METTL25: variants seen among roughly 807,000 people sequenced by gnomAD.
The protein encoded by METTL25 is methyltransferase like 25.
Under a neutral mutation model 71.6 loss-of-function variants are expected in METTL25, and 64 were observed. The ratio of observed to expected loss-of-function variants is 0.89; its 90% CI spans 0.73 to 1.10. The LOEUF (loss-of-function observed/expected upper bound fraction) is 1.10, where lower values mean the gene tolerates loss of function less well. Ranked by LOEUF, METTL25 falls within the 50% of genes least tolerant of loss-of-function variation. The pLI is 0.00. For synonymous variants in METTL25, 287 were observed against 250.3 expected, an observed-to-expected ratio of 1.15 and a Z score of -1.38; for missense variants, 807 against 707.0, an observed-to-expected ratio of 1.14 and a Z score of -1.60.
intron 5 of METTL25, among the ~76,000 whole-genome samples, chr12:82,418,254 A>G (rs1054765990): frequency 3.9e-5 from 6 of 152,168 alleles, no homozygotes; most frequent in Non-Finnish European, 8.8e-5. Flanking sequence ...CAGAAAGGGC[A>G]GACTGAGATG....
intron 5 of METTL25, among the ~76,000 whole-genome samples, chr12:82,428,731 G>C (rs1446433385): frequency 6.6e-6 from 1 of 151,218 alleles, no homozygotes. Context: ...CCTTGTGCTT[G>C]ATTTGTAAGT....
intron 5 of METTL25, among the ~76,000 whole-genome samples, chr12:82,422,424 C>A (rs1335182441): frequency 2.0e-5 from 3 of 152,100 alleles, no homozygotes; most frequent in African/African-American, 7.2e-5. Context: ...GTATGACAAA[C>A]CCACAGCCAA....
At chr12:82,390,918 A>G (rs1166931982) in intron 3 of METTL25, among the ~76,000 whole-genome samples, 5 of 152,186 alleles carry the variant, frequency 3.3e-5, no homozygotes, top group East Asian at 3.9e-4. Flanking sequence ...GTGGCAGCCA[A>G]CCTCTATTAA....
At chr12:82,375,033 G>A (rs1883683406) in intron 1 of METTL25, among the ~76,000 whole-genome samples, 1 of 152,156 alleles carries the variant, frequency 6.6e-6, no homozygotes, top group African/African-American at 2.4e-5. Context: ...AGAATCAAAG[G>A]TAATTCCAAG....
intron 5 of METTL25, among the ~76,000 whole-genome samples, chr12:82,409,923 A>G (rs1365011127): frequency 3.9e-5 from 6 of 152,112 alleles, no homozygotes; most frequent in Non-Finnish European, 1.5e-5. Context: ...TCAAGGGTGC[A>G]TGATACCTAT....
intron 8 of METTL25, chr12:82,439,811 G>A (rs932947856): frequency 1.1e-6 from 1 of 943,250 alleles, no homozygotes; most frequent in Non-Finnish European, 1.3e-6. Context: ...GCAAATTCAT[G>A]TCAACTCAAA....
intron 2 of METTL25, among the ~76,000 whole-genome samples, chr12:82,388,329 C>G (rs568789136): frequency 1.3e-5 from 2 of 152,068 alleles, no homozygotes; most frequent in Non-Finnish European, 2.9e-5. Flanking sequence ...TTAAATCTCT[C>G]TAACCATTTT....
chr12:82,420,819 T>C (rs1216664621), intron 5 of METTL25, among the ~76,000 whole-genome samples: 1 of 151,894 alleles, frequency 6.6e-6, no homozygotes. Context: ...AGAAGAAGGA[T>C]TTTTTAAACA....
intron 1 of METTL25, among the ~76,000 whole-genome samples, chr12:82,376,175 C>T (rs1360089626): frequency 6.6e-6 from 1 of 152,158 alleles, no homozygotes; most frequent in Non-Finnish European, 1.5e-5. Flanking sequence ...TATTGAATTT[C>T]CAATTATGTG....
At chr12:82,378,883 A>T (rs1592609113) in intron 1 of METTL25, among the ~76,000 whole-genome samples, 1 of 152,250 alleles carries the variant, frequency 6.6e-6, no homozygotes, top group East Asian at 1.9e-4. Flanking sequence ...AATTTAAAAA[A>T]TTAGCTGGGC....
At chr12:82,456,967 C>A (rs539298790) in intron 9 of METTL25, 147 bp downstream of exon 9, 8 of 400,570 alleles carry the variant, frequency 2.0e-5, no homozygotes, top group African/African-American at 8.3e-5. Context: ...CCTCCATCAT[C>A]TTTTTTCCAG....
At chr12:82,449,838 A>G (rs1478443978) in intron 8 of METTL25, among the ~76,000 whole-genome samples, 2 of 151,634 alleles carry the variant, frequency 1.3e-5, no homozygotes, top group Non-Finnish European at 2.9e-5. Context: ...CCACTGTCCT[A>G]TGTTGGTTCT....
intron 7 of METTL25, among the ~76,000 whole-genome samples, chr12:82,436,617 T>C (rs145094150): frequency 4.0e-4 from 60 of 151,736 alleles, no homozygotes; most frequent in African/African-American, 1.3e-3. Context: ...TGATGACTTA[T>C]TCTGTTCTGC....
At chr12:82,442,712 C>G (rs1273318161) in intron 8 of METTL25, among the ~76,000 whole-genome samples, 2 of 152,068 alleles carry the variant, frequency 1.3e-5, no homozygotes, top group Non-Finnish European at 2.9e-5. Context: ...TGTGGAAATT[C>G]AGATGAAGAG....
intron 4 of METTL25, 54 bp downstream of exon 4, chr12:82,399,448 T>C: frequency 7.5e-7 from 1 of 1,327,340 alleles, no homozygotes; most frequent in South Asian, 1.4e-5. Context: ...TGTATTCAAT[T>C]TTAATAGTAG....
chr12:82,370,538 T>G (rs967245812), intron 1 of METTL25, among the ~76,000 whole-genome samples: 1 of 152,336 alleles, frequency 6.6e-6, no homozygotes, highest in East Asian at 1.9e-4. Flanking sequence ...AGAGTCCTCC[T>G]TTCTCAGCAG....
chr12:82,416,903 T>C (rs1488990382), intron 5 of METTL25, among the ~76,000 whole-genome samples: 1 of 152,154 alleles, frequency 6.6e-6, no homozygotes, highest in African/African-American at 2.4e-5. Context: ...ATACTTGGCC[T>C]TATTTAAAAC....
chr12:82,469,975 CCTT>C (rs1763546848), intron 9 of METTL25, among the ~76,000 whole-genome samples: 1 of 152,114 alleles, frequency 6.6e-6, no homozygotes, highest in African/African-American at 2.4e-5. Flanking sequence ...CTGACTCAGT[CCTT>C]CTGATCATTG....
At chr12:82,434,813 GA>G in intron 7 of METTL25, 89 bp downstream of exon 7, 1 of 1,042,304 alleles carries the variant, frequency 9.6e-7, no homozygotes, top group Non-Finnish European at 1.5e-6. Context: ...AAACCTAATG[GA>G]ATTTAATAAA....
Sources: allele counts gnomAD v4.1 joint callset (sites outside exome capture counted in the v4.1 genomes callset), GRCh38; gene constraint gnomAD v4.1.1; transcripts MANE v1.5; gene names NCBI Gene and HGNC (gene_info 2026-07-23, HGNC 2026-07-21).